The following UNC5C variants were observed in gnomAD, a reference collection of about 807,000 sequenced individuals.
UNC5C encodes the protein unc-5 netrin receptor C.
In UNC5C, 47 loss-of-function variants were observed where a neutral mutation model predicts 99.8. That is an observed-to-expected ratio of 0.47 (90% CI 0.37 to 0.60). UNC5C has a LOEUF of 0.60. Among genes scored for constraint, UNC5C ranks in the 20% least tolerant of loss-of-function variants. The pLI is 0.00. For missense variants in UNC5C, 1,062 were observed against 1,165.9 expected (o/e 0.91, Z 1.30); for synonymous variants, 487 against 452.2 (o/e 1.08, Z -0.98).
At chr4:95,473,862 T>G (rs1748051374) in intron 1 of UNC5C, among the ~76,000 whole-genome samples, 1 of 152,134 alleles carries the variant, frequency 6.6e-6, no homozygotes, top group African/African-American at 2.4e-5. Flanking sequence ...GGATGGAATT[T>G]TGGAAGAGAA....
chr4:95,510,375 C>T (rs1028361403), intron 1 of UNC5C, among the ~76,000 whole-genome samples: 9 of 151,996 alleles, frequency 5.9e-5, no homozygotes, highest in East Asian at 1.9e-4. Context: ...GTTATAAATA[C>T]GTGAATGACT....
At chr4:95,241,196 A>C (rs1739319648) in intron 7 of UNC5C, among the ~76,000 whole-genome samples, 1 of 152,172 alleles carries the variant, frequency 6.6e-6, no homozygotes, top group Non-Finnish European at 1.5e-5. Flanking sequence ...AGCAAAGCCG[A>C]TTTTCATTTA....
intron 1 of UNC5C, among the ~76,000 whole-genome samples, chr4:95,416,263 C>T (rs561399420): frequency 6.6e-6 from 1 of 152,160 alleles, no homozygotes; most frequent in African/African-American, 2.4e-5. Context: ...AGAATACAGG[C>T]TAAATAAGAA....
intron 1 of UNC5C, among the ~76,000 whole-genome samples, chr4:95,476,312 T>C (rs747830825): frequency 4.6e-5 from 7 of 152,064 alleles, no homozygotes; most frequent in Non-Finnish European, 7.4e-5. Flanking sequence ...TTGAAAGCAG[T>C]TGGCCTCCAG....
At chr4:95,361,164 A>G (rs1744378816) in intron 1 of UNC5C, among the ~76,000 whole-genome samples, 4 of 152,218 alleles carry the variant, frequency 2.6e-5, no homozygotes, top group Non-Finnish European at 5.9e-5. Flanking sequence ...ATAAATTCAT[A>G]GAGCTATTTC....
intron 15 of UNC5C, 23 bp from the exon 16 acceptor site, chr4:95,169,422 G>A (rs1396313590): frequency 1.2e-6 from 2 of 1,611,482 alleles, no homozygotes; most frequent in Non-Finnish European, 1.7e-6. Context: ...AAGAGAAAAT[G>A]TGCTCAACAG....
chr4:95,244,228 T>A (rs2149379233), intron 6 of UNC5C, among the ~76,000 whole-genome samples: 1 of 152,350 alleles, frequency 6.6e-6, no homozygotes, highest in South Asian at 2.1e-4. Context: ...TTTCAAAATT[T>A]TAGCTTAGCT....
At chr4:95,255,375 T>C (rs1461420595) in intron 4 of UNC5C, among the ~76,000 whole-genome samples, 1 of 152,176 alleles carries the variant, frequency 6.6e-6, no homozygotes, top group Non-Finnish European at 1.5e-5. Context: ...TGGGCCTTTA[T>C]TTCTGCCAAG....
At chr4:95,379,512 A>G (rs994396988) in intron 1 of UNC5C, among the ~76,000 whole-genome samples, 37 of 152,280 alleles carry the variant, frequency 2.4e-4, no homozygotes, top group Non-Finnish European at 5.9e-5. Context: ...ATTGTTACAG[A>G]GGCCTTCCTA....
intron 1 of UNC5C, among the ~76,000 whole-genome samples, chr4:95,366,576 C>T (rs1744578458): frequency 6.6e-6 from 1 of 152,130 alleles, no homozygotes; most frequent in South Asian, 2.1e-4. Context: ...CTAACCTAGT[C>T]ATGAAGTTGA....
rs151280884 is a variant in UNC5C at position 95,544,455 on chromosome 4, C to A, written c.124+4279G>T. Among the ~76,000 whole-genome samples the A allele has an allele frequency of 3.7e-3, 571 of 152,284 alleles. 6 individuals are homozygous for A. The highest frequency in any genetic ancestry group is 0.013 in the African/African-American group (535 of 41,578). The stretch of plus-strand genomic sequence containing the variant: ...CCCCACCCACCACTCACATTAGAAT[C>A]CTAGCTTCACCTATGTTTACTATCT... On this transcript the variant is annotated intron_variant, in intron 1 of 15. Transcript: ENST00000453304.
intron 1 of UNC5C, among the ~76,000 whole-genome samples, chr4:95,388,357 A>G (rs1251066518): frequency 6.6e-6 from 1 of 152,226 alleles, no homozygotes; most frequent in Non-Finnish European, 1.5e-5. Flanking sequence ...GTTTCACAAT[A>G]TAATCAAACT....
At chr4:95,479,278 T>C (rs1325265144) in intron 1 of UNC5C, among the ~76,000 whole-genome samples, 1 of 152,032 alleles carries the variant, frequency 6.6e-6, no homozygotes, top group African/African-American at 2.4e-5. Flanking sequence ...TGTACATTCT[T>C]CCTCACTGTG....
At chr4:95,485,826 G>A (rs573409312) in intron 1 of UNC5C, among the ~76,000 whole-genome samples, 23 of 151,720 alleles carry the variant, frequency 1.5e-4, no homozygotes, top group Non-Finnish European at 2.8e-4. Flanking sequence ...CTACATTTAT[G>A]CTCTACTCAG....
chr4:95,350,620 A>G (rs1248799551), intron 1 of UNC5C, among the ~76,000 whole-genome samples: 1 of 152,202 alleles, frequency 6.6e-6, no homozygotes, highest in Non-Finnish European at 1.5e-5. Context: ...AAAATTCAAT[A>G]ATTATTGACA....
chr4:95,307,929 GA>G (rs1199814772), intron 2 of UNC5C, among the ~76,000 whole-genome samples: 1 of 152,218 alleles, frequency 6.6e-6, no homozygotes, highest in East Asian at 1.9e-4. Flanking sequence ...ATCCTTTAAT[GA>G]GAAAAACTCT....
intron 1 of UNC5C, among the ~76,000 whole-genome samples, chr4:95,345,094 A>G (rs1413812912): frequency 1.3e-5 from 2 of 151,994 alleles, no homozygotes; most frequent in African/African-American, 4.8e-5. Flanking sequence ...AGACCCAATG[A>G]TCTGTTGCCT....
At chr4:95,412,365 AG>A (rs1464043961) in intron 1 of UNC5C, among the ~76,000 whole-genome samples, 2 of 152,164 alleles carry the variant, frequency 1.3e-5, no homozygotes, top group Admixed American at 6.5e-5. Context: ...CAGCTGTGCC[AG>A]GGGAGGTTTC....
rs1017233740 is a variant in UNC5C, at chr4:95,435,996, G to T, written c.125-100365C>A. 2.0e-5 allele frequency among the ~76,000 whole-genome samples: 3 copies of T among 151,954 alleles called. No individual in the cohort carries two copies. In the South Asian group the frequency reaches 6.2e-4, roughly 31 times the overall value. ...AGGAACATTTATGTCATGTATAGCA[G>T]AACTGATTGGACAATTTCCTGTTGT... On this transcript the variant is annotated intron_variant, in intron 1 of 15. Coordinates refer to ENST00000453304, the MANE Select transcript of UNC5C (RefSeq NM_003728.4).
Sources: allele counts gnomAD v4.1 joint callset (sites outside exome capture counted in the v4.1 genomes callset), GRCh38; gene constraint gnomAD v4.1.1; transcripts MANE v1.5; gene names NCBI Gene and HGNC (gene_info 2026-07-23, HGNC 2026-07-21).